The following NT5DC3 variants were observed in gnomAD, a reference collection of about 807,000 sequenced individuals.
NT5DC3 encodes the protein 5'-nucleotidase domain-containing protein 3.
A neutral mutation model predicts 67.8 loss-of-function variants in NT5DC3; 42 were observed. The ratio of observed to expected loss-of-function variants is 0.62; its 90% confidence interval spans 0.48 to 0.80. The LOEUF (loss-of-function observed/expected upper bound fraction) is 0.80. Among genes scored for constraint, NT5DC3 ranks in the 30% least tolerant of loss-of-function variants. The pLI, the probability that NT5DC3 is intolerant of heterozygous loss-of-function variation, is 0.00. For missense variants in NT5DC3, 570 were observed against 696.4 expected (o/e 0.82, Z 2.04); for synonymous variants, 237 against 255.6 (o/e 0.93, Z 0.69).
chr12:103,811,543 A>G (rs1358852889), intron 2 of NT5DC3, among the ~76,000 whole-genome samples: 1 of 152,220 alleles, frequency 6.6e-6, no homozygotes, highest in Non-Finnish European at 1.5e-5. Flanking sequence ...CGAAACTGTC[A>G]GGGTCATTTA....
intron 1 of NT5DC3, among the ~76,000 whole-genome samples, chr12:103,829,483 C>T (rs961607329): frequency 6.6e-6 from 1 of 152,206 alleles, no homozygotes; most frequent in African/African-American, 2.4e-5. Flanking sequence ...CCCAAGATAT[C>T]TTTTCCCATT....
At chr12:103,755,806 C>A in the NT5DC3 span, 2 of 1,256,306 alleles carry the variant, frequency 1.6e-6, no homozygotes, top group African/African-American at 1.5e-5. Context: ...AAGCTGAAGG[C>A]CACAGTCACA....
At chr12:103,764,757 A>G in the NT5DC3 span, among the ~76,000 whole-genome samples, 5 of 152,224 alleles carry the variant, frequency 3.3e-5, no homozygotes, top group South Asian at 6.2e-4. Flanking sequence ...ATTGCAAATC[A>G]TATTTTTTTA....
chr12:103,777,859 G>A lies in NT5DC3; in HGVS notation c.1617C>T (p.Thr539=). ...TGGCCTGGGCCTCCTGCAGGAGAGG[G>A]GTTCCGAAGGTGGGGGGCCTTTCTG... The part of the protein sequence containing the change: ...AWSERPPTFG[T]PLLQEAQAK The change falls in exon 14 of 14, where the codon ACC becomes ACT. Residue 539 remains threonine (T), a synonymous_variant. Transcript: ENST00000392876. 3 of 1,613,942 alleles carry A rather than the reference G, an allele frequency of 1.9e-6. No individual in the cohort carries two copies. The highest frequency in any genetic ancestry group is 2.5e-6 in the Non-Finnish European group (3 of 1,179,920).
At chr12:103,805,181 G>A (rs1277920970) in intron 4 of NT5DC3, among the ~76,000 whole-genome samples, 2 of 152,160 alleles carry the variant, frequency 1.3e-5, no homozygotes, top group Non-Finnish European at 2.9e-5. Context: ...AGAAGTGGGA[G>A]GAGGTGCCAG....
At chr12:103,750,721 G>A in the NT5DC3 span, 14 of 1,612,080 alleles carry the variant, frequency 8.7e-6, no homozygotes, top group Non-Finnish European at 1.1e-5. Context: ...CACTTCCAGG[G>A]TTAGTGTGAC....
intron 4 of NT5DC3, among the ~76,000 whole-genome samples, chr12:103,803,773 G>C (rs1273018422): frequency 2.6e-5 from 4 of 151,824 alleles, no homozygotes; most frequent in Admixed American, 6.6e-5. Context: ...ATGGCCTCCA[G>C]CTCCATCCAT....
chr12:103,785,658 T>G (rs1187291323), intron 11 of NT5DC3, 183 bp from the exon 12 acceptor site: 1 of 722,032 alleles, frequency 1.4e-6, no homozygotes, highest in Non-Finnish European at 2.4e-6. Flanking sequence ...CCTTTGATCA[T>G]TTCATTCCAA....
intron 5 of NT5DC3, 94 bp from the exon 6 acceptor site, chr12:103,797,125 G>T (rs1566108881): frequency 7.7e-7 from 1 of 1,293,858 alleles, no homozygotes; most frequent in Non-Finnish European, 1.1e-6. Context: ...CCTTTTCCGT[G>T]ACTAAACGAG....
intron 12 of NT5DC3, among the ~76,000 whole-genome samples, chr12:103,784,047 A>T (rs1214039877): frequency 1.3e-5 from 2 of 152,092 alleles, no homozygotes; most frequent in Admixed American, 6.5e-5. Context: ...CCTCTCAAAA[A>T]CTGTTTCCTT....
Position 103,793,161 on chromosome 12 carries a change from C to T in NT5DC3, c.1019+3G>A, listed in dbSNP as rs761628716. 6.3e-7 allele frequency: 1 copy of T among 1,581,546 alleles called. No homozygotes were observed. Among genetic ancestry groups the T allele is most frequent in the Non-Finnish European group, 8.6e-7 (1 of 1,158,272 alleles). On this transcript the variant is annotated splice_donor_region_variant and intron_variant, in intron 9 of 13. Coordinates refer to ENST00000392876, the MANE Select transcript of NT5DC3 (RefSeq NM_001031701.3). ...CTAGTCCCCTAGAAAAATAAACACTCACCTCCGCTTATCATTAAAGAAGTT... is the reference window on the plus strand; with the variant it reads ...CTAGTCCCCTAGAAAAATAAACACTTACCTCCGCTTATCATTAAAGAAGTT...
At chr12:103,831,690 G>T (rs1023941543) in intron 1 of NT5DC3, among the ~76,000 whole-genome samples, 2 of 151,840 alleles carry the variant, frequency 1.3e-5, no homozygotes, top group Non-Finnish European at 2.9e-5. Flanking sequence ...CTCCCAGCAG[G>T]CACGACCAAT....
rs922167847 is a variant in NT5DC3 at position 103,841,211 on chromosome 12, C to G, written c.-55G>C. On this transcript the variant is annotated 5_prime_UTR_variant, in exon 1 of 14. Coordinates refer to ENST00000392876, the MANE Select transcript of NT5DC3 (RefSeq NM_001031701.3). ...GCGCCGCTCTGCGACTGCTGCTGCC[C>G]GGCCCAAGATCTACCCGCGCTCTGC... 1.8e-5 allele frequency: 10 copies of G among 551,484 alleles called. No homozygotes were observed. Among genetic ancestry groups the G allele is most frequent in the African/African-American group, 6.1e-5 (3 of 49,128 alleles). The allele number at this position is 551,484 out of a possible 1,614,324, so 34.2% of individuals were successfully genotyped here. A position where few individuals can be genotyped will look rare whatever the true frequency, so the allele number is the denominator to read the frequency against.
intron 13 of NT5DC3, among the ~76,000 whole-genome samples, chr12:103,780,070 G>A (rs1321211537): frequency 2.0e-5 from 3 of 152,210 alleles, no homozygotes; most frequent in Non-Finnish European, 4.4e-5. Flanking sequence ...AAAGGCCTTC[G>A]ATGGCAAGGG....
At chr12:103,753,272 G>C in the NT5DC3 span, 1 of 1,614,096 alleles carries the variant, frequency 6.2e-7, no homozygotes, top group Non-Finnish European at 8.5e-7. Context: ...AGTATAAGCT[G>C]ACCTTTGACA....
rs1052503913 is a variant in NT5DC3, at chr12:103,775,744, G to A, written c.*2085C>T. 2.0e-5 allele frequency: 3 copies of A among 152,130 alleles called. No homozygotes were observed. The highest frequency in any genetic ancestry group is 6.6e-5 in the Admixed American group (1 of 15,262). 9.4% of individuals were successfully genotyped at this position (152,130 alleles called of 1,614,324 possible). On this transcript the variant is annotated 3_prime_UTR_variant, in exon 14 of 14. Coordinates refer to ENST00000392876, the MANE Select transcript of NT5DC3 (RefSeq NM_001031701.3). ...TAGAAGATGGGGAGAAGCCTTATTG[G>A]ATCTAAAGGGTCACCTTCACCATTA...
chr12:103,836,070 G>A (rs918317213), intron 1 of NT5DC3, among the ~76,000 whole-genome samples: 2 of 152,154 alleles, frequency 1.3e-5, no homozygotes, highest in Admixed American at 1.3e-4. Flanking sequence ...CAGCCCCCAT[G>A]ATTCAATTAC....
chr12:103,749,702 TG>T, the NT5DC3 span, among the ~76,000 whole-genome samples: 1 of 149,640 alleles, frequency 6.7e-6, no homozygotes, highest in Non-Finnish European at 1.5e-5. Context: ...TAGCCGGGCA[TG>T]GTGGCGGGCA....
intron 2 of NT5DC3, 36 bp from the exon 3 acceptor site, chr12:103,806,965 A>G (rs745355638): frequency 1.6e-6 from 2 of 1,233,802 alleles, no homozygotes; most frequent in Non-Finnish European, 2.4e-6. Context: ...TTAGCCAACA[A>G]TGTGCCAAGT....
Sources: gnomAD v4.1 joint callset for allele counts (sites outside exome capture counted in the v4.1 genomes callset) on GRCh38, gnomAD v4.1.1 for gene constraint, MANE v1.5 for transcripts, NCBI Gene and HGNC (gene_info 2026-07-23, HGNC 2026-07-21) for gene names.